The following TENM2 variants were observed in gnomAD, a reference collection of about 807,000 sequenced individuals.
The protein encoded by TENM2 is teneurin transmembrane protein 2, also known as teneurin-2.
A neutral mutation model predicts 245.2 loss-of-function variants in TENM2; 52 were observed. The ratio of observed to expected loss-of-function variants is 0.21; its 90% confidence interval spans 0.17 to 0.27. The LOEUF (loss-of-function observed/expected upper bound fraction) is 0.27. TENM2 is among the 10% of genes least tolerant of loss of function. TENM2 has a pLI of 1.00. For synonymous variants in TENM2, 1,363 were observed against 1,438.9 expected (o/e 0.95, Z 1.19); for missense variants, 3,046 against 3,666.8 (o/e 0.83, Z 4.37).
exon 14 of TENM2, chr5:168,190,342 C>G (rs1760841012): frequency 4.3e-6 from 7 of 1,613,018 alleles, no homozygotes; most frequent in Non-Finnish European, 5.9e-6. Flanking sequence ...TCCAGATGGC[C>G]TGGTGGATTG....
intron 2 of TENM2, among the ~76,000 whole-genome samples, chr5:167,532,705 T>A (rs1771588191): frequency 6.6e-6 from 1 of 151,632 alleles, no homozygotes; most frequent in South Asian, 2.1e-4. Flanking sequence ...TATATACATA[T>A]CTATATATGT....
At chr5:167,597,258 A>C (rs1271348455) in intron 2 of TENM2, among the ~76,000 whole-genome samples, 1 of 146,000 alleles carries the variant, frequency 6.8e-6, no homozygotes, top group Non-Finnish European at 1.5e-5. Context: ...TCCACCTCCT[A>C]GTTTCAAGTG....
chr5:167,797,664 A>G (rs188394097), intron 2 of TENM2, among the ~76,000 whole-genome samples: 5 of 152,292 alleles, frequency 3.3e-5, no homozygotes, highest in East Asian at 3.9e-4. Flanking sequence ...AAATTGTACT[A>G]TTTACCTGTC....
intron 4 of TENM2, among the ~76,000 whole-genome samples, chr5:167,958,558 A>C (rs1291183972): frequency 1.3e-5 from 2 of 152,072 alleles, no homozygotes; most frequent in African/African-American, 4.8e-5. Flanking sequence ...TGGTTGATGT[A>C]GTTTCTTCAT....
At chr5:167,927,216 C>T (rs528742628) in intron 3 of TENM2, among the ~76,000 whole-genome samples, 19 of 152,310 alleles carry the variant, frequency 1.2e-4, no homozygotes, top group Non-Finnish European at 1.3e-4. Flanking sequence ...AAAAGTCACC[C>T]TTTCCATCAG....
intron 3 of TENM2, among the ~76,000 whole-genome samples, chr5:167,900,251 T>C (rs1775596867): frequency 6.6e-6 from 1 of 151,540 alleles, no homozygotes; most frequent in African/African-American, 2.4e-5. Context: ...GCTGGTGAGC[T>C]ATGAAACAGC....
At chr5:167,313,942 C>T (rs1443201920) in intron 1 of TENM2, among the ~76,000 whole-genome samples, 2 of 152,198 alleles carry the variant, frequency 1.3e-5, no homozygotes, top group African/African-American at 4.8e-5. Context: ...TGTCCTTTCT[C>T]CTCCACCTAT....
At chr5:167,490,166 C>G (rs1296985218) in intron 2 of TENM2, among the ~76,000 whole-genome samples, 1 of 152,122 alleles carries the variant, frequency 6.6e-6, no homozygotes, top group Non-Finnish European at 1.5e-5. Flanking sequence ...ACCGCAGTTA[C>G]AAAAGTACCC....
At chr5:167,654,094 T>C (rs1443968842) in intron 2 of TENM2, among the ~76,000 whole-genome samples, 3 of 152,140 alleles carry the variant, frequency 2.0e-5, no homozygotes, top group African/African-American at 7.2e-5. Flanking sequence ...AGCCATCCAA[T>C]TTCAAATAGT....
chr5:166,980,087 A>G, the TENM2 span, among the ~76,000 whole-genome samples: 5 of 152,168 alleles, frequency 3.3e-5, no homozygotes, highest in Non-Finnish European at 7.4e-5. Flanking sequence ...TTTGCATCAC[A>G]TTGCTACAGA....
intron 2 of TENM2, among the ~76,000 whole-genome samples, chr5:167,861,038 A>G: frequency 2.4e-5 from 1 of 41,344 alleles, no homozygotes; most frequent in South Asian, 6.4e-4. Flanking sequence ...AGAATTATCA[A>G]TAAAAAAAAA....
intron 2 of TENM2, among the ~76,000 whole-genome samples, chr5:167,642,650 G>A (rs955749742): frequency 3.3e-5 from 5 of 152,176 alleles, no homozygotes; most frequent in African/African-American, 1.2e-4. Context: ...TCATAGCAGA[G>A]CTTAAAAGAC....
At chr5:168,022,025 G>A (rs1031386395) in intron 5 of TENM2, among the ~76,000 whole-genome samples, 1 of 152,200 alleles carries the variant, frequency 6.6e-6, no homozygotes, top group African/African-American at 2.4e-5. Flanking sequence ...CCTAGAGATT[G>A]TCTAGTGTGA....
chr5:167,564,856 C>T (rs150982876), intron 2 of TENM2, among the ~76,000 whole-genome samples: 1 of 152,322 alleles, frequency 6.6e-6, no homozygotes, highest in East Asian at 1.9e-4. Context: ...CCTTTTCTTG[C>T]ATCATGTTTG....
At chr5:167,722,876 C>A (rs922815197) in intron 2 of TENM2, among the ~76,000 whole-genome samples, 2 of 152,170 alleles carry the variant, frequency 1.3e-5, no homozygotes, top group Non-Finnish European at 2.9e-5. Context: ...TCCTAAATAT[C>A]AGAAAATGTC....
chr5:168,123,425 T>C (rs1305058269), intron 10 of TENM2, among the ~76,000 whole-genome samples: 3 of 152,250 alleles, frequency 2.0e-5, no homozygotes, highest in Non-Finnish European at 4.4e-5. Context: ...AATTATCATC[T>C]GAATATAACA....
intron 2 of TENM2, among the ~76,000 whole-genome samples, chr5:167,737,422 A>G (rs1294293502): frequency 1.3e-5 from 2 of 152,212 alleles, no homozygotes; most frequent in Non-Finnish European, 2.9e-5. Context: ...CTTCTGGCAG[A>G]GGCTTTAACT....
intron 2 of TENM2, among the ~76,000 whole-genome samples, chr5:167,702,796 C>T (rs945325697): frequency 3.3e-5 from 5 of 152,014 alleles, no homozygotes; most frequent in South Asian, 4.1e-4. Flanking sequence ...TCCCAAGTAG[C>T]TGGGATTACA....
chr5:167,508,027 A>G (rs187231410), intron 2 of TENM2, among the ~76,000 whole-genome samples: 4 of 152,318 alleles, frequency 2.6e-5, no homozygotes, highest in Admixed American at 2.0e-4. Context: ...ATAAAGATAT[A>G]CAACTCAAGT....
Sources: allele counts gnomAD v4.1 joint callset (sites outside exome capture counted in the v4.1 genomes callset), GRCh38; gene constraint gnomAD v4.1.1; transcripts MANE v1.5; gene names NCBI Gene and HGNC (gene_info 2026-07-23, HGNC 2026-07-21).